LAMA1: variants seen among roughly 807,000 people sequenced by gnomAD.
LAMA1 encodes the protein laminin subunit alpha-1.
A neutral mutation model predicts 348.7 loss-of-function variants in LAMA1; 219 were observed. That is an observed-to-expected ratio of 0.63 (90% confidence interval 0.56 to 0.70). The LOEUF (loss-of-function observed/expected upper bound fraction) is 0.70. LAMA1 is among the 30% of genes least tolerant of loss of function. The pLI is 0.00. For synonymous variants in LAMA1, 1,487 were observed against 1,491.0 expected (o/e 1.00, Z 0.06); for missense variants, 3,744 against 3,888.0 (o/e 0.96, Z 0.99).
intron 35 of LAMA1, among the ~76,000 whole-genome samples, chr18:6,993,090 T>A (rs922285003): frequency 6.6e-6 from 1 of 152,242 alleles, no homozygotes. Context: ...CTACTTTTTT[T>A]ATTAAGTATA....
intron 55 of LAMA1, 93 bp from the exon 56 acceptor site, chr18:6,956,858 T>C: frequency 7.2e-7 from 1 of 1,389,986 alleles, no homozygotes; most frequent in South Asian, 1.2e-5. Flanking sequence ...TGAAAATCAA[T>C]TAAAAACCAT....
chr18:7,092,626 GAAAA>G (rs35680760), intron 1 of LAMA1, among the ~76,000 whole-genome samples: 5 of 115,748 alleles, frequency 4.3e-5, no homozygotes, highest in African/African-American at 1.7e-4. Context: ...TCTGTCTCGG[GAAAA>G]AAAAAAAAAA....
At chr18:7,017,232 G>A (rs756289717) in intron 20 of LAMA1, 46 bp downstream of exon 20, 34 of 1,451,314 alleles carry the variant, frequency 2.3e-5, no homozygotes, top group South Asian at 4.7e-5. Context: ...GGATTCAATC[G>A]CCTCTGTACC....
At chr18:7,064,252 T>C (rs1025938508) in intron 3 of LAMA1, among the ~76,000 whole-genome samples, 8 of 151,850 alleles carry the variant, frequency 5.3e-5, no homozygotes, top group African/African-American at 1.9e-4. Flanking sequence ...AATTTTATGA[T>C]ATGCATATTT....
intron 55 of LAMA1, chr18:6,957,461 T>C (rs2057585179): frequency 6.5e-6 from 1 of 152,852 alleles, no homozygotes; most frequent in South Asian, 2.1e-4. Flanking sequence ...CCCAACGCTA[T>C]GTTTTATTCT....
At chr18:6,993,027 A>C (rs1013318296) in intron 35 of LAMA1, among the ~76,000 whole-genome samples, 7 of 152,260 alleles carry the variant, frequency 4.6e-5, no homozygotes, top group Admixed American at 4.6e-4. Flanking sequence ...CACATGAAAA[A>C]TAAATGTTCT....
chr18:7,040,222 G>A lies in LAMA1; in HGVS notation c.1276C>T (p.Gln426Ter). The change falls in exon 10 of 63, where the codon CAG becomes TAG. Residue 426 changes from glutamine to a stop codon, truncating the protein, a stop_gained. Coordinates refer to ENST00000389658, the MANE Select transcript of LAMA1 (RefSeq NM_005559.4). LOFTEE classifies it high-confidence loss of function. ...GTATAACCTTCCTTACATGGGCACTGACCTGGCTGCTTCCCTAGAAAGACA... is the reference window on the plus strand; with the variant it reads ...GTATAACCTTCCTTACATGGGCACTAACCTGGCTGCTTCCCTAGAAAGACA... The part of the protein sequence containing the change: ...SDLHNGKQPG[Q>*]CPCKEGYTGE... 1.2e-6 allele frequency: 2 copies of A among 1,614,102 alleles called. No individual in the cohort carries two copies. The highest frequency in any genetic ancestry group is 1.7e-6 in the Non-Finnish European group (2 of 1,180,032).
At chr18:7,039,644 G>A (rs961741183) in intron 10 of LAMA1, among the ~76,000 whole-genome samples, 1 of 152,164 alleles carries the variant, frequency 6.6e-6, no homozygotes, top group Non-Finnish European at 1.5e-5. Context: ...CATAGTCATA[G>A]AAAATACATA....
intron 48 of LAMA1, among the ~76,000 whole-genome samples, chr18:6,967,012 G>A (rs11876088): frequency 0.035 from 5,403 of 152,250 alleles, 324 homozygotes; most frequent in African/African-American, 0.12. Context: ...GGAATATCAT[G>A]AGGCTTGAGA....
At chr18:7,013,114 T>C (rs2057868942) in intron 23 of LAMA1, among the ~76,000 whole-genome samples, 1 of 151,922 alleles carries the variant, frequency 6.6e-6, no homozygotes, top group African/African-American at 2.4e-5. Flanking sequence ...TGAGCCGAGA[T>C]TGTGCCACTG....
intron 1 of LAMA1, among the ~76,000 whole-genome samples, chr18:7,084,538 T>C (rs2058207305): frequency 6.6e-6 from 1 of 152,234 alleles, no homozygotes. Context: ...TACTTTTTTC[T>C]TCCACTCAGG....
rs1033639549 is a variant in LAMA1, at chr18:7,037,709, G to A, written c.1606C>T (p.Pro536Ser). ...TCTTGCTGAGACGGGATCTTCCTGG[G>A]ACTGATCAAGTCGGTGACCAGCCAC... ...SGWLVTDLIS[P>S]RKIPSQQDAL... is the part of the protein sequence containing the mutation. The change falls in exon 12 of 63, where the codon CCC (proline) becomes TCC (serine). Residue 536 changes from proline to serine, a missense_variant. Around this residue, in one of 3 missense-constraint regions of LAMA1, gnomAD observed 1,529 missense variants for 1,689.4 expected, o/e 0.91. Transcript: ENST00000389658. 1.2e-6 allele frequency: 2 copies of A among 1,614,156 alleles called. No individual in the cohort carries two copies. The highest frequency in any genetic ancestry group is 1.3e-5 in the African/African-American group (1 of 75,034).
chr18:7,063,016 T>C (rs902699798), intron 3 of LAMA1, among the ~76,000 whole-genome samples: 43 of 152,336 alleles, frequency 2.8e-4, no homozygotes, highest in Admixed American at 2.8e-3. Context: ...CAGGTGATAC[T>C]GCCCAGAAAA....
intron 61 of LAMA1, among the ~76,000 whole-genome samples, chr18:6,944,748 T>C (rs956355123): frequency 2.0e-5 from 3 of 152,094 alleles, no homozygotes; most frequent in Admixed American, 2.0e-4. Context: ...AGAAAATAAA[T>C]TTCCATTGTT....
At chr18:6,988,676 A>G (rs4384671) in intron 36 of LAMA1, among the ~76,000 whole-genome samples, 126,797 of 151,866 alleles carry the variant, frequency 0.83, 53,264 homozygotes, top group East Asian at 0.99. Context: ...GCATGATGGT[A>G]GGTGCCCGTA....
intron 19 of LAMA1, among the ~76,000 whole-genome samples, chr18:7,018,980 G>A (rs1017333367): frequency 2.9e-4 from 44 of 152,068 alleles, no homozygotes; most frequent in African/African-American, 1.0e-3. Flanking sequence ...ATTCACCGGT[G>A]CCCTTCAGGG....
Position 7,008,425 on chromosome 18 carries a change from T to C in LAMA1, c.4122+63A>G, listed in dbSNP as rs557899705. ...CATAAGTTCTGTTCATCTCTGGGAG[T>C]TGCTGTAACAAGCACATTTCAACTC... On this transcript the variant is annotated intron_variant, in intron 28 of 62. Transcript: ENST00000389658. The C allele has an allele frequency of 2.8e-4, 445 of 1,597,074 alleles. 3 individuals carry two copies. In the South Asian group the frequency reaches 3.3e-3, roughly 12 times the overall value.
At chr18:7,111,841 G>T (rs2058337111) in intron 1 of LAMA1, among the ~76,000 whole-genome samples, 1 of 152,154 alleles carries the variant, frequency 6.6e-6, no homozygotes, top group African/African-American at 2.4e-5. Context: ...TTCAGCTAAG[G>T]TCTAAGTTCC....
chr18:7,107,006 A>T (rs560333845), intron 1 of LAMA1, among the ~76,000 whole-genome samples: 4 of 152,120 alleles, frequency 2.6e-5, no homozygotes, highest in African/African-American at 9.6e-5. Context: ...CATGACCTGG[A>T]CTACTCATTT....
Sources: gnomAD v4.1 joint callset for allele counts (sites outside exome capture counted in the v4.1 genomes callset) on GRCh38, gnomAD v4.1.1 for gene constraint, gnomAD v4.1.1 regional missense constraint, MANE v1.5 for transcripts, NCBI Gene and HGNC (gene_info 2026-07-23, HGNC 2026-07-21) for gene names.